CMIP: variants seen among roughly 807,000 people sequenced by gnomAD.
CMIP encodes the protein c-Maf inducing protein, also known as C-Maf-inducing protein.
In CMIP, 13 loss-of-function variants were observed where a neutral mutation model predicts 97.3. The observed-to-expected ratio is 0.13, with a 90% CI of 0.09 to 0.21. The LOEUF (loss-of-function observed/expected upper bound fraction) is 0.21, where lower values mean the gene tolerates loss of function less well. CMIP is among the 10% of genes least tolerant of loss of function. CMIP has a pLI of 1.00. For synonymous variants in CMIP, 538 were observed against 436.3 expected (o/e 1.23, Z -2.91); for missense variants, 847 against 1,024.9 (o/e 0.83, Z 2.37).
At chr16:81,629,774 A>G (rs914907266) in intron 3 of CMIP, among the ~76,000 whole-genome samples, 4 of 152,190 alleles carry the variant, frequency 2.6e-5, no homozygotes, top group African/African-American at 7.2e-5. Context: ...AGGCTTCCTA[A>G]TGGCTGCAGA....
chr16:81,495,019 C>A (rs1256848227), intron 1 of CMIP, among the ~76,000 whole-genome samples: 1 of 152,172 alleles, frequency 6.6e-6, no homozygotes, highest in African/African-American at 2.4e-5. Flanking sequence ...ACACACAATT[C>A]TGATGACAAA....
At chr16:81,522,969 C>G (rs1326030469) in intron 1 of CMIP, among the ~76,000 whole-genome samples, 14 of 152,046 alleles carry the variant, frequency 9.2e-5, no homozygotes, top group Admixed American at 6.5e-4. Context: ...TTCTGTCACC[C>G]AGGCCGGAGT....
At chr16:81,679,252 GAT>G (rs1491426684) in intron 10 of CMIP, among the ~76,000 whole-genome samples, 1 of 146,228 alleles carries the variant, frequency 6.8e-6, no homozygotes, top group Non-Finnish European at 1.5e-5. Context: ...TCTCTGTAGG[GAT>G]GTGTGTGTGT....
At chr16:81,661,992 C>T (rs1209397539) in intron 6 of CMIP, among the ~76,000 whole-genome samples, 3 of 152,018 alleles carry the variant, frequency 2.0e-5, no homozygotes, top group Non-Finnish European at 4.4e-5. Context: ...AGTGAACACC[C>T]GTGAGTGTGT....
chr16:81,621,059 C>T lies in CMIP; in HGVS notation c.477+133C>T. ...GATGGCTCAGCTGAGGAACTTTGTT[C>T]CCCTACCTAAGAGCCCCTGGCCCTT... is the stretch of plus-strand genomic sequence containing the variant. On this transcript the variant is annotated intron_variant, in intron 3 of 20. Transcript: ENST00000537098. The surrounding 1 kb of genome is among the most constrained non-coding windows in gnomAD (Gnocchi z 4.1). 1 of 1,080,776 alleles carries T rather than the reference C, an allele frequency of 9.3e-7. No homozygotes were observed. The highest frequency in any genetic ancestry group is 1.5e-5 in the South Asian group (1 of 66,910). The allele number at this position is 1,080,776 out of a possible 1,614,324, so 66.9% of individuals were successfully genotyped here.
At chr16:81,628,352 G>T (rs1018398824) in intron 3 of CMIP, among the ~76,000 whole-genome samples, 1 of 152,132 alleles carries the variant, frequency 6.6e-6, no homozygotes, top group Non-Finnish European at 1.5e-5. Context: ...CCCAAGCCGA[G>T]CCCCCAGTTG....
intron 10 of CMIP, among the ~76,000 whole-genome samples, chr16:81,689,469 T>A (rs2151076226): frequency 6.6e-6 from 1 of 152,382 alleles, no homozygotes; most frequent in Non-Finnish European, 1.5e-5. Context: ...TTGAGAAGTG[T>A]CTGTTCATAT....
At chr16:81,707,172 C>T (rs1457040143) in intron 20 of CMIP, 88 bp downstream of exon 20, 31 of 1,076,116 alleles carry the variant, frequency 2.9e-5, no homozygotes, top group Non-Finnish European at 4.4e-5. Context: ...AGAGCTCGTT[C>T]TCCAGTAAAG....
At chr16:81,506,159 C>T (rs1371130781) in intron 1 of CMIP, among the ~76,000 whole-genome samples, 2 of 152,144 alleles carry the variant, frequency 1.3e-5, no homozygotes, top group Non-Finnish European at 2.9e-5. Context: ...ATGAGGAAAC[C>T]AAGGCTCGGA....
In CMIP at chr16:81,709,836, C is replaced by T. The variant is rs372049927; in HGVS notation, c.*37C>T. The T allele has an allele frequency of 1.1e-4, 179 of 1,597,424 alleles. 1 individual carries two copies. In the Middle Eastern group the frequency reaches 1.5e-3, roughly 14 times the overall value. On this transcript the variant is annotated 3_prime_UTR_variant, in exon 21 of 21. Coordinates refer to ENST00000537098, the MANE Select transcript of CMIP (RefSeq NM_198390.3). ...CAAGGCAGGAAGACGTTTGCAACCG[C>T]GACAAAATAACTCTTGACTAACAGC...
At chr16:81,606,489 G>T (rs2091745980) in intron 1 of CMIP, among the ~76,000 whole-genome samples, 1 of 152,188 alleles carries the variant, frequency 6.6e-6, no homozygotes, top group South Asian at 2.1e-4. Flanking sequence ...TCGGTCACCT[G>T]GTGCCTTCTC....
intron 1 of CMIP, among the ~76,000 whole-genome samples, chr16:81,491,690 A>T (rs1166283192): frequency 2.0e-5 from 3 of 152,018 alleles, no homozygotes; most frequent in Non-Finnish European, 2.9e-5. Flanking sequence ...GACGTCCCCA[A>T]CTCCACAATC....
chr16:81,499,043 G>A (rs909636548), intron 1 of CMIP, among the ~76,000 whole-genome samples: 6 of 152,150 alleles, frequency 3.9e-5, no homozygotes, highest in African/African-American at 1.2e-4. Flanking sequence ...TGTTATTAGC[G>A]CCATTTTACA....
In CMIP at chr16:81,671,974, G is replaced by A; in HGVS notation, c.938G>A (p.Gly313Asp). Reference protein sequence around the residue: ...VVKKFIQSMHGPTGHCPHPRV... With the variant: ...VVKKFIQSMHDPTGHCPHPRV... ...CCTCTGCTTTTTTCCAGCATGCACG[G>A]CCCCACAGGGCACTGCCCCCACCCC... The change falls in exon 9 of 21, where the codon GGC (glycine) becomes GAC (aspartate). Residue 313 changes from glycine to aspartate, a missense_variant. By Grantham distance (94) the Gly-to-Asp change is moderately conservative (BLOSUM62 -1). This residue lies in a region of CMIP where 285 missense variants were observed against 392.2 expected (regional missense o/e 0.73). Transcript: ENST00000537098. 1.3e-6 allele frequency: 2 copies of A among 1,580,184 alleles called. No individual in the cohort carries two copies. The highest frequency in any genetic ancestry group is 1.7e-6 in the Non-Finnish European group (2 of 1,159,594).
At chr16:81,646,346 G>A (rs982304564) in intron 3 of CMIP, among the ~76,000 whole-genome samples, 1 of 152,074 alleles carries the variant, frequency 6.6e-6, no homozygotes, top group African/African-American at 2.4e-5. Context: ...TGATGGATGG[G>A]TGGATGGATG....
At chr16:81,699,048 T>C (rs1907087936) in intron 14 of CMIP, among the ~76,000 whole-genome samples, 1 of 152,172 alleles carries the variant, frequency 6.6e-6, no homozygotes. Flanking sequence ...GTTCAGGAAT[T>C]CAAGACCAGC....
intron 1 of CMIP, among the ~76,000 whole-genome samples, chr16:81,555,500 G>A (rs142527421): frequency 2.0e-5 from 3 of 152,324 alleles, no homozygotes; most frequent in East Asian, 3.9e-4. Flanking sequence ...CAGACTCAGT[G>A]TGCACAACAA....
intron 1 of CMIP, among the ~76,000 whole-genome samples, chr16:81,447,854 C>T (rs925978108): frequency 6.6e-5 from 10 of 152,124 alleles, no homozygotes; most frequent in Admixed American, 2.0e-4. Context: ...GCTGGCCTCC[C>T]GGGTAGAGGT....
chr16:81,473,028 C>G (rs573458078), intron 1 of CMIP, among the ~76,000 whole-genome samples: 2 of 152,328 alleles, frequency 1.3e-5, no homozygotes, highest in African/African-American at 4.8e-5. Flanking sequence ...GATCCCATCT[C>G]CTCTGCATAC....
Sources: allele counts gnomAD v4.1 joint callset (sites outside exome capture counted in the v4.1 genomes callset), GRCh38; gene constraint gnomAD v4.1.1; regional missense constraint gnomAD v4.1.1; non-coding constraint Gnocchi (gnomAD v3.1); transcripts MANE v1.5; gene names NCBI Gene and HGNC (gene_info 2026-07-23, HGNC 2026-07-21).